Variants in EXOC4 observed in about 807,000 individuals in gnomAD.
EXOC4 encodes the protein exocyst complex component 4.
In EXOC4, 71 loss-of-function variants were observed where a neutral mutation model predicts 107.2. That is an observed-to-expected ratio of 0.66 (90% CI 0.55 to 0.81). EXOC4 has a LOEUF of 0.81. Ranked by LOEUF, EXOC4 falls within the 30% of genes least tolerant of loss-of-function variation. The pLI is 0.00. For missense variants in EXOC4, 1,108 were observed against 1,189.6 expected (o/e 0.93, Z 1.01); for synonymous variants, 456 against 441.2 (o/e 1.03, Z -0.42).
intron 10 of EXOC4, among the ~76,000 whole-genome samples, chr7:133,787,173 C>CTTTTTTTTTTTTTTTCTTTTTT (rs3076807): frequency 1.5e-5 from 2 of 133,138 alleles, no homozygotes; most frequent in African/African-American, 2.8e-5. Flanking sequence ...TTTTTCTTTT[C>CTTTTTTTTTTTTTTTCTTTTTT]TTTTTTTTTT....
intron 12 of EXOC4, among the ~76,000 whole-genome samples, chr7:133,908,156 C>A (rs1371253141): frequency 6.6e-6 from 1 of 152,196 alleles, no homozygotes; most frequent in Non-Finnish European, 1.5e-5. Flanking sequence ...AGATAGGAGT[C>A]TGTTGCAGTG....
At chr7:133,700,250 A>G (rs1164214757) in intron 10 of EXOC4, among the ~76,000 whole-genome samples, 1 of 152,194 alleles carries the variant, frequency 6.6e-6, no homozygotes, top group Non-Finnish European at 1.5e-5. Flanking sequence ...TTAACACGCA[A>G]TATTTTACAG....
intron 17 of EXOC4, among the ~76,000 whole-genome samples, chr7:134,044,997 A>G (rs781035971): frequency 5.9e-5 from 9 of 152,054 alleles, no homozygotes; most frequent in African/African-American, 1.9e-4. Context: ...AAAGAATTCA[A>G]TACTGGTGTT....
chr7:133,415,523 G>A (rs1797454837), intron 7 of EXOC4, among the ~76,000 whole-genome samples: 1 of 152,042 alleles, frequency 6.6e-6, no homozygotes, highest in Non-Finnish European at 1.5e-5. Flanking sequence ...TAATGATGTT[G>A]ATCATCTTTT....
chr7:133,375,842 A>T (rs1266095055), intron 7 of EXOC4, among the ~76,000 whole-genome samples: 6 of 152,190 alleles, frequency 3.9e-5, no homozygotes, highest in Non-Finnish European at 8.8e-5. Context: ...AATGATATTT[A>T]GAAATTGTAT....
At chr7:133,661,050 T>C (rs776047151) in intron 10 of EXOC4, among the ~76,000 whole-genome samples, 44 of 152,300 alleles carry the variant, frequency 2.9e-4, no homozygotes, top group East Asian at 1.5e-3. Context: ...TTGTCTGATT[T>C]TAAGTTTTGT....
intron 9 of EXOC4, among the ~76,000 whole-genome samples, chr7:133,563,401 C>T (rs575301648): frequency 2.2e-4 from 34 of 152,228 alleles, no homozygotes; most frequent in East Asian, 3.9e-4. Flanking sequence ...GTTGGCTGTG[C>T]GGTTTCTAGT....
intron 7 of EXOC4, 157 bp downstream of exon 7, chr7:133,375,159 A>G (rs1336381880): frequency 1.6e-6 from 1 of 639,898 alleles, no homozygotes; most frequent in African/African-American, 1.8e-5. Flanking sequence ...TGCTGATGGC[A>G]TTAACTTCTA....
chr7:133,675,351 A>G (rs1794032638), intron 10 of EXOC4, among the ~76,000 whole-genome samples: 2 of 152,138 alleles, frequency 1.3e-5, no homozygotes, highest in Admixed American at 1.3e-4. Flanking sequence ...TCAATATATG[A>G]GTGTTCAAAA....
At chr7:133,661,016 T>G (rs1220594997) in intron 10 of EXOC4, among the ~76,000 whole-genome samples, 1 of 152,184 alleles carries the variant, frequency 6.6e-6, no homozygotes, top group Admixed American at 6.5e-5. Context: ...TACCATGTGT[T>G]GTATTTCAGA....
chr7:133,896,584 G>A (rs1370060264), intron 12 of EXOC4, among the ~76,000 whole-genome samples: 1 of 151,920 alleles, frequency 6.6e-6, no homozygotes, highest in African/African-American at 2.4e-5. Context: ...AATTTACGGA[G>A]GTGGAGAGAA....
intron 10 of EXOC4, among the ~76,000 whole-genome samples, chr7:133,779,991 C>T (rs554699725): frequency 2.0e-5 from 3 of 152,088 alleles, no homozygotes; most frequent in African/African-American, 4.8e-5. Context: ...TTTAAGTCAG[C>T]GAGACTGTGT....
intron 9 of EXOC4, among the ~76,000 whole-genome samples, chr7:133,592,693 C>G: frequency 6.6e-6 from 1 of 152,176 alleles, no homozygotes; most frequent in Non-Finnish European, 1.5e-5. Context: ...ACCTCCGACT[C>G]CTGGGTTCAA....
chr7:133,397,727 A>G (rs909565787), intron 7 of EXOC4, among the ~76,000 whole-genome samples: 5 of 152,012 alleles, frequency 3.3e-5, no homozygotes. Flanking sequence ...CCTGTACTGC[A>G]GATACACCTT....
intron 10 of EXOC4, among the ~76,000 whole-genome samples, chr7:133,699,271 T>G (rs184989096): frequency 2.6e-5 from 4 of 152,304 alleles, no homozygotes; most frequent in East Asian, 1.9e-4. Context: ...CCTGACACTT[T>G]CCTAGACTGA....
intron 17 of EXOC4, among the ~76,000 whole-genome samples, chr7:134,017,091 CTT>C (rs1794926601): frequency 6.6e-6 from 1 of 152,180 alleles, no homozygotes; most frequent in Non-Finnish European, 1.5e-5. Context: ...TTGTCACATC[CTT>C]TTCTCTGTTT....
intron 14 of EXOC4, among the ~76,000 whole-genome samples, chr7:133,967,058 G>T (rs1447231296): frequency 6.6e-6 from 1 of 152,138 alleles, no homozygotes; most frequent in East Asian, 1.9e-4. Context: ...TCTTGGGAGG[G>T]TGTATGTGTC....
chr7:133,499,471 A>G (rs1053351147), intron 9 of EXOC4, among the ~76,000 whole-genome samples: 7 of 152,336 alleles, frequency 4.6e-5, no homozygotes, highest in Middle Eastern at 3.4e-3. Flanking sequence ...ATTAAATTAT[A>G]TTAAGAAGGA....
At chr7:133,310,261 A>G (rs979184153) in intron 4 of EXOC4, among the ~76,000 whole-genome samples, 1 of 152,192 alleles carries the variant, frequency 6.6e-6, no homozygotes, top group Non-Finnish European at 1.5e-5. Context: ...GACCCACAGT[A>G]GGTACCTGAA....
Sources: allele counts gnomAD v4.1 joint callset (sites outside exome capture counted in the v4.1 genomes callset), GRCh38; gene constraint gnomAD v4.1.1; transcripts MANE v1.5; gene names NCBI Gene and HGNC (gene_info 2026-07-23, HGNC 2026-07-21).